Variants in COL13A1 observed in about 807,000 individuals in gnomAD.
The protein encoded by COL13A1 is collagen alpha-1(XIII) chain.
COL13A1 carries 89 observed loss-of-function variants against 130.9 expected under a neutral mutation model. The ratio of observed to expected loss-of-function variants is 0.68; its 90% CI spans 0.57 to 0.81. The LOEUF is 0.81. Ranked by LOEUF, COL13A1 falls within the 30% of genes least tolerant of loss-of-function variation. The pLI is 0.00. For missense variants in COL13A1, 879 were observed against 934.6 expected, an observed-to-expected ratio of 0.94 and a Z score of 0.78; for synonymous variants, 402 against 341.6, an observed-to-expected ratio of 1.18 and a Z score of -1.95.
intron 35 of COL13A1, among the ~76,000 whole-genome samples, chr10:69,943,681 C>T (rs969083680): frequency 5.3e-5 from 8 of 152,144 alleles, no homozygotes; most frequent in Admixed American, 1.3e-4. Context: ...GGCTGAACAA[C>T]CCTCTCTCGT....
Position 69,944,185 on chromosome 10 carries a change from G to T in COL13A1, c.1968+7G>T, listed in dbSNP as rs200769677. On this transcript the variant is annotated splice_region_variant and intron_variant, in intron 36 of 40. Coordinates refer to ENST00000645393, the MANE Select transcript of COL13A1 (RefSeq NM_001368882.1). ...GGGACCAAAGGGCGAGAGGGTGAGT[G>T]TCACTGAGCCAGGGGCCTGGGCGGC... The T allele has an allele frequency of 6.2e-7, 1 of 1,613,214 alleles. No homozygotes were observed. The highest frequency in any genetic ancestry group is 8.5e-7 in the Non-Finnish European group (1 of 1,179,558).
chr10:69,889,944 T>G (rs1444465840), intron 10 of COL13A1, among the ~76,000 whole-genome samples: 1 of 152,126 alleles, frequency 6.6e-6, no homozygotes, highest in African/African-American at 2.4e-5. Flanking sequence ...GGGTGCCACA[T>G]GCATCATCCC....
chr10:69,802,466 C>A lies in COL13A1; in HGVS notation c.43C>A (p.Arg15Ser). 6.6e-7 allele frequency: 1 copy of A among 1,507,044 alleles called. No individual in the cohort carries two copies. The highest frequency in any genetic ancestry group is 8.8e-7 in the Non-Finnish European group (1 of 1,133,056). 93.4% of individuals were successfully genotyped at this position (1,507,044 alleles called of 1,614,324 possible). Residue 15 changes from arginine (R) to serine (S), a missense_variant, in exon 1 of 41, where the codon CGC becomes AGC. Physicochemically the swap from Arg to Ser is moderately radical, Grantham distance 110 (BLOSUM62 -1). Coordinates refer to ENST00000645393, the MANE Select transcript of COL13A1 (RefSeq NM_001368882.1). ...RTHKAAATGA[R>S]GPGELGAPGT... ...CCACAAAGCGGCAGCCACCGGTGCC[C>A]GCGGCCCTGGGGAGTTGGGCGCGCC...
At chr10:69,808,066 T>G (rs1282737920) in intron 1 of COL13A1, among the ~76,000 whole-genome samples, 2 of 152,144 alleles carry the variant, frequency 1.3e-5, no homozygotes, top group Admixed American at 1.3e-4. Context: ...TAATAACAGG[T>G]GCTTACTATA....
intron 7 of COL13A1, among the ~76,000 whole-genome samples, 187 bp downstream of exon 7, chr10:69,880,740 C>T (rs1040729889): frequency 1.3e-5 from 2 of 152,214 alleles, no homozygotes. Context: ...AGTGGCCTGG[C>T]TAAATATACC....
At chr10:69,859,109 C>A (rs1345161885) in intron 2 of COL13A1, among the ~76,000 whole-genome samples, 1 of 152,118 alleles carries the variant, frequency 6.6e-6, no homozygotes. Context: ...CAATAGCACA[C>A]CTTGTATAGT....
intron 32 of COL13A1, among the ~76,000 whole-genome samples, chr10:69,936,128 A>AGAAGGAAGGAAG (rs1444456777): frequency 1.1e-5 from 1 of 92,174 alleles, no homozygotes; most frequent in African/African-American, 5.0e-5. Context: ...AAGGAAGGAA[A>AGAAGGAAGGAAG]GAAGGAAGGA....
chr10:69,890,666 T>C (rs1459495033), intron 10 of COL13A1, among the ~76,000 whole-genome samples: 2 of 152,238 alleles, frequency 1.3e-5, no homozygotes, highest in South Asian at 2.1e-4. Flanking sequence ...CTGCAAGGCC[T>C]GGGCTCCAGC....
At chr10:69,950,675 G>C (rs944307976) in intron 38 of COL13A1, among the ~76,000 whole-genome samples, 1 of 152,198 alleles carries the variant, frequency 6.6e-6, no homozygotes. Flanking sequence ...TCAGGCCGAT[G>C]GGAATATACC....
At chr10:69,884,547 G>A (rs2060439588) in intron 7 of COL13A1, among the ~76,000 whole-genome samples, 1 of 152,166 alleles carries the variant, frequency 6.6e-6, no homozygotes, top group South Asian at 2.1e-4. Flanking sequence ...AAGACAGGGA[G>A]GAGTAGACAT....
chr10:69,934,085 A>G (rs865825703), intron 31 of COL13A1, among the ~76,000 whole-genome samples: 6 of 152,318 alleles, frequency 3.9e-5, no homozygotes, highest in South Asian at 2.1e-4. Flanking sequence ...TCAAAAGTAT[A>G]TACATATATT....
At chr10:69,874,318 A>G (rs533599522) in intron 4 of COL13A1, among the ~76,000 whole-genome samples, 1 of 152,248 alleles carries the variant, frequency 6.6e-6, no homozygotes, top group African/African-American at 2.4e-5. Flanking sequence ...GGCTGGACAA[A>G]CCACCTGATT....
intron 13 of COL13A1, among the ~76,000 whole-genome samples, chr10:69,896,878 A>G (rs1352955664): frequency 6.6e-6 from 1 of 152,226 alleles, no homozygotes; most frequent in Non-Finnish European, 1.5e-5. Flanking sequence ...TCCTGATACA[A>G]TAATAGAAGG....
At chr10:69,929,945 A>C in intron 28 of COL13A1, 98 bp from the exon 29 acceptor site, 1 of 1,000,530 alleles carries the variant, frequency 1.0e-6, no homozygotes, top group Non-Finnish European at 1.6e-6. Flanking sequence ...ACTCTATGGG[A>C]AAGTGTGGAG....
intron 17 of COL13A1, among the ~76,000 whole-genome samples, chr10:69,909,584 A>C (rs1392702197): frequency 1.3e-5 from 2 of 152,160 alleles, no homozygotes; most frequent in East Asian, 1.9e-4. Flanking sequence ...CACTGCCTCC[A>C]AGTCCACCAA....
intron 7 of COL13A1, 41 bp downstream of exon 7, chr10:69,880,594 G>A (rs1186626775): frequency 1.2e-6 from 2 of 1,607,008 alleles, no homozygotes; most frequent in Non-Finnish European, 1.7e-6. Context: ...TGGGGGGATG[G>A]GTGAGTTGAT....
chr10:69,802,533 C>G lies in COL13A1; in HGVS notation c.110C>G (p.Ala37Gly). Residue 37 changes from alanine (A) to glycine (G), a missense_variant, in exon 1 of 41, where the codon GCA (alanine) becomes GGA (glycine). Physicochemically the swap from Ala to Gly is moderately conservative, Grantham distance 60. Transcript: ENST00000645393. ...ALVAARAERG[A>G]RLPSPGSCGL... ...GTGGCGGCGCGGGCGGAGCGCGGCGCACGGCTGCCGAGTCCAGGGTCGTGC... is the reference window on the plus strand; with the variant it reads ...GTGGCGGCGCGGGCGGAGCGCGGCGGACGGCTGCCGAGTCCAGGGTCGTGC... 4 of 1,589,064 alleles carry G rather than the reference C, an allele frequency of 2.5e-6. No homozygotes were observed. Among genetic ancestry groups the G allele is most frequent in the Non-Finnish European group, 3.4e-6 (4 of 1,170,508 alleles).
chr10:69,872,338 C>T lies in COL13A1; in HGVS notation c.399+128C>T. On this transcript the variant is annotated intron_variant, in intron 4 of 40. Transcript: ENST00000645393. ...TGGGTGACAGGCCACTCTCCAGAGT[C>T]CCTGATCTATAGCTTAGGGTGAAGT... 7.6e-6 allele frequency: 8 copies of T among 1,054,140 alleles called. No individual in the cohort carries two copies. In the South Asian group the frequency reaches 1.1e-4, roughly 15 times the overall value. The allele number at this position is 1,054,140 out of a possible 1,614,324, so 65.3% of individuals were successfully genotyped here.
chr10:69,938,314 G>A (rs549285413), intron 34 of COL13A1, among the ~76,000 whole-genome samples: 2 of 152,256 alleles, frequency 1.3e-5, no homozygotes, highest in South Asian at 4.2e-4. Flanking sequence ...ATATGGGGCT[G>A]GGCTGGATAG....
Sources: allele counts gnomAD v4.1 joint callset (sites outside exome capture counted in the v4.1 genomes callset), GRCh38; gene constraint gnomAD v4.1.1; transcripts MANE v1.5; gene names NCBI Gene and HGNC (gene_info 2026-07-23, HGNC 2026-07-21).